The following MGST1 variants were observed in gnomAD, a reference collection of about 807,000 sequenced individuals.
MGST1 encodes microsomal glutathione S-transferase 1.
MGST1 carries 5 observed loss-of-function variants against 8.9 expected under a neutral mutation model. The observed-to-expected ratio is 0.56, with a 90% CI of 0.29 to 1.19. MGST1 has a LOEUF of 1.19. MGST1 is among the 50% of genes most tolerant of loss of function. The pLI is 0.08. For synonymous variants in MGST1, 54 were observed against 67.8 expected (o/e 0.80, Z 1.00); for missense variants, 182 against 187.4 (o/e 0.97, Z 0.17).
intron 2 of MGST1, among the ~76,000 whole-genome samples, chr12:16,356,400 C>T (rs1188306587): frequency 6.6e-6 from 1 of 152,006 alleles, no homozygotes; most frequent in Admixed American, 6.6e-5. Context: ...ACAGACAGGC[C>T]TGACCTTAGG....
chr12:16,385,692 CTTT>C (rs11290450), intron 1 of MGST1, among the ~76,000 whole-genome samples: 1 of 138,400 alleles, frequency 7.2e-6, no homozygotes. Flanking sequence ...AAAGGGCTTT[CTTT>C]TTTTTTTTTT....
intron 3 of MGST1, among the ~76,000 whole-genome samples, chr12:16,372,744 A>G (rs892005208): frequency 1.3e-5 from 2 of 151,778 alleles, no homozygotes; most frequent in African/African-American, 4.8e-5. Flanking sequence ...GTATTACAGC[A>G]CTATTACCAA....
At chr12:16,466,429 A>T (rs1565460076) in intron 4 of MGST1, among the ~76,000 whole-genome samples, 1 of 152,228 alleles carries the variant, frequency 6.6e-6, no homozygotes, top group African/African-American at 2.4e-5. Context: ...AGGACACTTT[A>T]ACATAATATG....
intron 4 of MGST1, among the ~76,000 whole-genome samples, chr12:16,540,290 A>C (rs1046930977): frequency 6.6e-6 from 1 of 152,014 alleles, no homozygotes; most frequent in Non-Finnish European, 1.5e-5. Context: ...TTTATTTTTT[A>C]GAGCCAGGGT....
chr12:16,566,972 G>A (rs890296370), intron 4 of MGST1, among the ~76,000 whole-genome samples: 7 of 152,038 alleles, frequency 4.6e-5, no homozygotes, highest in Non-Finnish European at 1.0e-4. Context: ...ACTACAACTT[G>A]GCACTTGAGG....
chr12:16,428,214 TA>T (rs1217151185), intron 1 of MGST1, among the ~76,000 whole-genome samples: 3 of 152,024 alleles, frequency 2.0e-5, no homozygotes, highest in East Asian at 3.9e-4. Context: ...GACTTAAAAA[TA>T]TTTTTTTTTT....
chr12:16,415,642 T>A (rs532542061), intron 1 of MGST1, among the ~76,000 whole-genome samples: 14 of 152,342 alleles, frequency 9.2e-5, no homozygotes, highest in Admixed American at 3.9e-4. Flanking sequence ...ATACAGTACA[T>A]AATGTGTATA....
intron 4 of MGST1, chr12:16,551,005 T>C (rs1277873915): frequency 6.5e-6 from 3 of 462,096 alleles, no homozygotes; most frequent in Non-Finnish European, 1.2e-5. Context: ...TCCAGCCATA[T>C]GTACATTACT....
intron 4 of MGST1, among the ~76,000 whole-genome samples, chr12:16,515,866 C>G (rs57894487): frequency 0.1 from 15,894 of 152,002 alleles, 955 homozygotes; most frequent in Middle Eastern, 0.21. Context: ...GAGTCAGACG[C>G]ACAGGCTAGT....
chr12:16,565,214 A>C (rs1031950793), intron 4 of MGST1, among the ~76,000 whole-genome samples: 5 of 152,222 alleles, frequency 3.3e-5, no homozygotes, highest in African/African-American at 1.2e-4. Context: ...ATGAAATTGC[A>C]ATCAATTGAA....
rs370340612 is a variant in MGST1 at position 16,501,079 on chromosome 12, G to A, written n.483-88449G>A. On this transcript the variant is annotated intron_variant and non_coding_transcript_variant, in intron 4 of 4. Transcript: ENST00000538857. ...CGAGATGGTGGCCACTGCCAGCCTG[G>A]TGACAGGGACTCTGTCTCGAAAAAA... 8.1e-5 allele frequency among the ~76,000 whole-genome samples: 12 copies of A among 147,432 alleles called. No individual in the cohort carries two copies. In the East Asian group the frequency reaches 1.6e-3, roughly 20 times the overall value.
At chr12:16,554,660 C>G (rs1013287236) in intron 4 of MGST1, among the ~76,000 whole-genome samples, 16 of 152,182 alleles carry the variant, frequency 1.1e-4, no homozygotes, top group Non-Finnish European at 2.2e-4. Flanking sequence ...TATATCTATT[C>G]ACATTTATAT....
chr12:16,499,252 C>T (rs1043526919), intron 4 of MGST1, among the ~76,000 whole-genome samples: 5 of 152,164 alleles, frequency 3.3e-5, no homozygotes, highest in African/African-American at 1.2e-4. Context: ...TTATTCACTT[C>T]GAATAGCTAT....
chr12:16,393,659 T>C (rs1450313536), intron 1 of MGST1, among the ~76,000 whole-genome samples: 1 of 152,220 alleles, frequency 6.6e-6, no homozygotes, highest in African/African-American at 2.4e-5. Context: ...GGAAAGAAAG[T>C]ACACTGTGAT....
At chr12:16,530,471 T>C (rs1941715628) in intron 4 of MGST1, among the ~76,000 whole-genome samples, 1 of 152,080 alleles carries the variant, frequency 6.6e-6, no homozygotes, top group East Asian at 1.9e-4. Context: ...TAAATACAGA[T>C]ATAGGAGTTT....
At position 16,357,243 on chromosome 12, in the gene MGST1, A is replaced by G. The variant is rs1355726750; in HGVS notation, c.127-362A>G. On this transcript the variant is annotated intron_variant, in intron 2 of 3. Transcript: ENST00000396210. Reference sequence around the variant, plus strand: ...ATAACTTACTAGGTAGAATATCCCCATGTTATTTCTTGGTTTGTTTGTTTT... The same window carrying G: ...ATAACTTACTAGGTAGAATATCCCCGTGTTATTTCTTGGTTTGTTTGTTTT... Among the ~76,000 whole-genome samples, 3 of 152,034 alleles carry G rather than the reference A, an allele frequency of 2.0e-5. No homozygotes were observed. The East Asian group carries it at 5.8e-4, about 29-fold the overall frequency.
At chr12:16,591,197 C>T (rs1330530245), downstream of MGST1, among the ~76,000 whole-genome samples, 1 of 151,982 alleles carries the variant, frequency 6.6e-6, no homozygotes, top group Non-Finnish European at 1.5e-5. The surrounding 1 kb of genome is among the most constrained non-coding windows in gnomAD (Gnocchi z 4.1). Context: ...TGCTCTCCCA[C>T]ACCCCAGCTG....
chr12:16,396,296 A>G (rs1940604740), intron 1 of MGST1, among the ~76,000 whole-genome samples: 1 of 152,186 alleles, frequency 6.6e-6, no homozygotes, highest in Admixed American at 6.6e-5. Context: ...CAATGTAGTA[A>G]AAGTCATCTA....
chr12:16,390,044 C>T (rs770994030), intron 1 of MGST1, among the ~76,000 whole-genome samples: 3 of 152,142 alleles, frequency 2.0e-5, no homozygotes, highest in Admixed American at 6.5e-5. Flanking sequence ...ATGTGGCAAG[C>T]GCTCCAAAAG....
Sources: gnomAD v4.1 joint callset for allele counts (sites outside exome capture counted in the v4.1 genomes callset) on GRCh38, gnomAD v4.1.1 for gene constraint, Gnocchi (gnomAD v3.1) non-coding constraint, MANE v1.5 for transcripts, NCBI Gene and HGNC (gene_info 2026-07-23, HGNC 2026-07-21) for gene names.